DYRK4: variants seen among roughly 807,000 people sequenced by gnomAD.
DYRK4 encodes the protein dual specificity tyrosine-phosphorylation-regulated kinase 4.
DYRK4 carries 64 observed loss-of-function variants against 68.3 expected under a neutral mutation model. That is an observed-to-expected ratio of 0.94 (90% CI 0.77 to 1.15). The LOEUF (loss-of-function observed/expected upper bound fraction) is 1.15, where lower values mean the gene tolerates loss of function less well. Ranked by LOEUF, DYRK4 falls within the 50% of genes most tolerant of loss-of-function variation. The pLI, the probability that DYRK4 is intolerant of heterozygous loss-of-function variation, is 0.00. For missense variants in DYRK4, 740 were observed against 764.7 expected (o/e 0.97, Z 0.38); for synonymous variants, 274 against 289.9 (o/e 0.95, Z 0.56).
chr12:4,569,924 G>A (rs78396123), intron 2 of DYRK4, among the ~76,000 whole-genome samples: 6 of 151,842 alleles, frequency 4.0e-5, no homozygotes, highest in East Asian at 1.9e-4. Context: ...AAATAAGTCC[G>A]GGGCATGAGG....
intron 12 of DYRK4, among the ~76,000 whole-genome samples, chr12:4,608,304 C>T (rs1347409683): frequency 2.0e-5 from 3 of 152,262 alleles, no homozygotes; most frequent in South Asian, 2.1e-4. Flanking sequence ...GTTGTCAGGT[C>T]GGTTCATGGA....
chr12:4,602,357 CT>C, intron 10 of DYRK4: 1 of 905,362 alleles, frequency 1.1e-6, no homozygotes, highest in Non-Finnish European at 1.8e-6. Flanking sequence ...TTCAGCTTTT[CT>C]CTCTTTTGTT....
intron 1 of DYRK4, among the ~76,000 whole-genome samples, chr12:4,563,886 A>G (rs1392465939): frequency 1.3e-5 from 2 of 152,282 alleles, no homozygotes; most frequent in African/African-American, 4.8e-5. Flanking sequence ...TCCAAGAAAT[A>G]TCAAGTACCA....
In DYRK4 at chr12:4,590,939, C is replaced by CG; in HGVS notation, c.325-219dup. 3 of 523,820 alleles carry CG rather than the reference C, an allele frequency of 5.7e-6. No homozygotes were observed. The South Asian group carries it at 1.3e-4, about 23-fold the overall frequency. The allele number at this position is 523,820 out of a possible 1,614,324, so 32.4% of individuals were successfully genotyped here. A position where few individuals can be genotyped will look rare whatever the true frequency, so the allele number is the denominator to read the frequency against. On this transcript the variant is annotated intron_variant, in intron 4 of 14. Coordinates refer to ENST00000543431, the MANE Select transcript of DYRK4 (RefSeq NM_001394779.1). ...TGTTGCTGGGGTTGTCAGCAGCATACGGTAAGGTACAGGGGTCTCCCCAGG... is the reference window on the plus strand; with the variant it reads ...TGTTGCTGGGGTTGTCAGCAGCATACGGGTAAGGTACAGGGGTCTCCCCAGG...
rs138028002 is a variant in DYRK4, at chr12:4,594,888, T to G, written c.628-1261T>G. 1.1e-3 allele frequency among the ~76,000 whole-genome samples: 164 copies of G among 152,318 alleles called. 1 individual carries two copies. The highest frequency in any genetic ancestry group is 3.7e-3 in the African/African-American group (153 of 41,566). On this transcript the variant is annotated intron_variant, in intron 6 of 14. Coordinates refer to ENST00000543431, the MANE Select transcript of DYRK4 (RefSeq NM_001394779.1). The stretch of plus-strand genomic sequence containing the variant: ...ACTTAATTTTGTCAGCAAATGTTAA[T>G]TGAATGCCTATGTATTGATAATCTG...
At chr12:4,607,523 T>A in intron 12 of DYRK4, 136 bp downstream of exon 12, 1 of 947,320 alleles carries the variant, frequency 1.1e-6, no homozygotes, top group Non-Finnish European at 1.6e-6. Context: ...AAGTAAAAGA[T>A]AATGAGCAGG....
At chr12:4,600,866 A>G (rs1337966096) in intron 10 of DYRK4, among the ~76,000 whole-genome samples, 7 of 151,996 alleles carry the variant, frequency 4.6e-5, no homozygotes, top group African/African-American at 1.2e-4. Flanking sequence ...CCCCCTTCCT[A>G]GAAGAAAGGA....
In DYRK4 at chr12:4,605,051, G is replaced by GA. The variant is rs1329720224; in HGVS notation, c.1265dup (p.Asn423GlufsTer2). 6.2e-7 allele frequency: 1 copy of GA among 1,613,924 alleles called. No homozygotes were observed. Among genetic ancestry groups the GA allele is most frequent in the Non-Finnish European group, 8.5e-7 (1 of 1,179,954 alleles). On this transcript the variant is annotated frameshift_variant, in exon 11 of 15. Coordinates refer to ENST00000543431, the MANE Select transcript of DYRK4 (RefSeq NM_001394779.1). LOFTEE classifies it high-confidence loss of function. Reference sequence around the variant, plus strand: ...CACGGGCTACCCCCTGTTCCCCGGGGAGAATGAGGTGGAGCAGCTGGCCTG... The same window carrying GA: ...CACGGGCTACCCCCTGTTCCCCGGGGAAGAATGAGGTGGAGCAGCTGGCCTG...
intron 2 of DYRK4, among the ~76,000 whole-genome samples, chr12:4,588,501 G>A (rs1033533978): frequency 3.9e-5 from 6 of 152,194 alleles, no homozygotes; most frequent in African/African-American, 1.4e-4. Context: ...TGTCCAGGCT[G>A]GGTGCCTGTG....
chr12:4,597,705 T>C (rs1391710924), intron 8 of DYRK4, among the ~76,000 whole-genome samples: 2 of 152,114 alleles, frequency 1.3e-5, no homozygotes, highest in African/African-American at 4.8e-5. Context: ...CTAGTCAGGA[T>C]GGGGCCAGAG....
At chr12:4,567,730 A>C (rs1408910479) in intron 1 of DYRK4, among the ~76,000 whole-genome samples, 1 of 152,178 alleles carries the variant, frequency 6.6e-6, no homozygotes, top group Admixed American at 6.5e-5. Context: ...CTAAACTGCT[A>C]ATCACCTGAT....
intron 8 of DYRK4, 25 bp from the exon 9 acceptor site, chr12:4,599,003 G>A: frequency 1.2e-6 from 2 of 1,613,528 alleles, no homozygotes; most frequent in Non-Finnish European, 1.7e-6. Flanking sequence ...ACACCCATAT[G>A]CATCACTTTT....
intron 2 of DYRK4, chr12:4,580,772 C>A (rs777669709): frequency 3.1e-5 from 14 of 452,154 alleles, no homozygotes; most frequent in Non-Finnish European, 5.8e-5. Context: ...CTTCATTTGC[C>A]CATCCAACCA....
At position 4,613,384 on chromosome 12, in the gene DYRK4, G is replaced by A. The variant is rs550337790; in HGVS notation, c.1667-131G>A. 9.8e-4 allele frequency: 1,176 copies of A among 1,200,720 alleles called. 12 individuals carry two copies. Among genetic ancestry groups the A allele is most frequent in the South Asian group, 9.7e-3 (580 of 59,642 alleles). 74.4% of individuals were successfully genotyped at this position (1,200,720 alleles called of 1,614,324 possible). ...GAATAATGCCCGGCACATTGGAGGT[G>A]CTTTACAAATGAACTGTTTTTATAT... On this transcript the variant is annotated intron_variant, in intron 14 of 14. Coordinates refer to ENST00000543431, the MANE Select transcript of DYRK4 (RefSeq NM_001394779.1). The surrounding 1 kb of genome is among the most constrained non-coding windows in gnomAD (Gnocchi z 4.0).
At position 4,611,041 on chromosome 12, in the gene DYRK4, T is replaced by C. The variant is rs539230699; in HGVS notation, c.1490+757T>C. Among the ~76,000 whole-genome samples the C allele has an allele frequency of 2.3e-4, 35 of 152,338 alleles. 1 individual carries two copies. Among genetic ancestry groups the C allele is most frequent in the Middle Eastern group, 3.4e-3 (1 of 294 alleles). On this transcript the variant is annotated intron_variant, in intron 13 of 14. Coordinates refer to ENST00000543431, the MANE Select transcript of DYRK4 (RefSeq NM_001394779.1). ...GGCCTCAGTGTTCTTTCCTATAAAA[T>C]ACGGTATTCCTAAGCTCCCTTCCAG... is the stretch of plus-strand genomic sequence containing the variant.
At position 4,607,358 on chromosome 12, in the gene DYRK4, A is replaced by G. The variant is rs1380546799; in HGVS notation, c.1331A>G (p.Gln444Arg). Residue 444 changes from glutamine to arginine, a missense_variant, in exon 12 of 15, where the codon CAG (glutamine) becomes CGG (arginine). By Grantham distance (43) the Gln-to-Arg change is conservative. This residue lies in a region of DYRK4 where 614 missense variants were observed against 603.7 expected (regional missense o/e 1.02). Transcript: ENST00000543431. Reference sequence around the variant, plus strand: ...GGTCTGCCGCCAGCCGGCTTCATTCAGACAGCCTCCAGGAGACAGACATTC... The same window carrying G: ...GGTCTGCCGCCAGCCGGCTTCATTCGGACAGCCTCCAGGAGACAGACATTC... ...VLGLPPAGFI[Q>R]TASRRQTFFD... is the part of the protein sequence containing the mutation. 1 of 1,614,122 alleles carries G rather than the reference A, an allele frequency of 6.2e-7. No homozygotes were observed. The highest frequency in any genetic ancestry group is 8.5e-7 in the Non-Finnish European group (1 of 1,180,036).
chr12:4,611,447 C>T (rs922055664), intron 13 of DYRK4, among the ~76,000 whole-genome samples: 1 of 152,172 alleles, frequency 6.6e-6, no homozygotes, highest in East Asian at 1.9e-4. Context: ...TCATAACTTG[C>T]AAGAGGCAGT....
intron 2 of DYRK4, among the ~76,000 whole-genome samples, chr12:4,570,390 G>T (rs1944719547): frequency 6.6e-6 from 1 of 152,152 alleles, no homozygotes; most frequent in South Asian, 2.1e-4. Context: ...GTTCTGATGG[G>T]TCTTAAATAA....
intron 8 of DYRK4, among the ~76,000 whole-genome samples, chr12:4,597,580 A>G (rs903044796): frequency 6.6e-6 from 1 of 152,244 alleles, no homozygotes; most frequent in Non-Finnish European, 1.5e-5. Context: ...TTGGCCATGA[A>G]TCACAGTGCA....
Sources: gnomAD v4.1 joint callset for allele counts (sites outside exome capture counted in the v4.1 genomes callset) on GRCh38, gnomAD v4.1.1 for gene constraint, gnomAD v4.1.1 regional missense constraint, Gnocchi (gnomAD v3.1) non-coding constraint, MANE v1.5 for transcripts, NCBI Gene and HGNC (gene_info 2026-07-23, HGNC 2026-07-21) for gene names.